The following SRGAP1 variants were observed in gnomAD, a reference collection of about 807,000 sequenced individuals.
SRGAP1 encodes the protein SLIT-ROBO Rho GTPase-activating protein 1.
Under a neutral mutation model 121.9 loss-of-function variants are expected in SRGAP1, and 43 were observed. The ratio of observed to expected loss-of-function variants is 0.35; its 90% confidence interval spans 0.28 to 0.46. The LOEUF (loss-of-function observed/expected upper bound fraction) is 0.46. Among genes scored for constraint, SRGAP1 ranks in the 20% least tolerant of loss-of-function variants. The pLI is 1.00. For missense variants in SRGAP1, 1,102 were observed against 1,350.9 expected, an observed-to-expected ratio of 0.82 and a Z score of 2.89; for synonymous variants, 447 against 485.4, an observed-to-expected ratio of 0.92 and a Z score of 1.04.
At chr12:63,970,657 T>C (rs2032920185) in intron 1 of SRGAP1, among the ~76,000 whole-genome samples, 1 of 152,158 alleles carries the variant, frequency 6.6e-6, no homozygotes, top group African/African-American at 2.4e-5. Flanking sequence ...CTAATTATAT[T>C]GAAAGGCAAC....
At chr12:63,866,909 C>G (rs1034608312) in intron 1 of SRGAP1, among the ~76,000 whole-genome samples, 4 of 151,546 alleles carry the variant, frequency 2.6e-5, no homozygotes, top group African/African-American at 9.7e-5. Flanking sequence ...CACTCTGTCA[C>G]CCAGGCTAGA....
At chr12:63,926,903 A>G (rs891194423) in intron 1 of SRGAP1, among the ~76,000 whole-genome samples, 1 of 151,964 alleles carries the variant, frequency 6.6e-6, no homozygotes, top group Non-Finnish European at 1.5e-5. Context: ...TGGCTTTCTT[A>G]TGATTTAAAT....
rs1230646534 is a variant in SRGAP1, at chr12:64,091,459, T to C, written c.1539+81T>C. ...TCAGCCTCTTGTAAGAGGAGGAAGG[T>C]CATTATGTCCAAGTCTGTCCTGGGG... On this transcript the variant is annotated intron_variant, in intron 12 of 21. Coordinates refer to ENST00000355086, the MANE Select transcript of SRGAP1 (RefSeq NM_020762.4). The C allele has an allele frequency of 5.1e-6, 5 of 978,268 alleles. No homozygotes were observed. The Admixed American group carries it at 6.5e-5, about 13-fold the overall frequency. 60.6% of individuals were successfully genotyped at this position (978,268 alleles called of 1,614,324 possible). A position where few individuals can be genotyped will look rare whatever the true frequency, so the allele number is the denominator to read the frequency against.
At chr12:64,142,265 C>T (rs745867101) in intron 21 of SRGAP1, 30 bp from the exon 22 acceptor site, 6 of 1,601,564 alleles carry the variant, frequency 3.7e-6, no homozygotes, top group Non-Finnish European at 4.3e-6. Flanking sequence ...TCAGTCTGTG[C>T]TTTCTCTCTT....
chr12:64,066,577 G>T (rs1312139656), intron 8 of SRGAP1, among the ~76,000 whole-genome samples: 1 of 152,068 alleles, frequency 6.6e-6, no homozygotes, highest in African/African-American at 2.4e-5. Flanking sequence ...TGAGCTCTGT[G>T]TATTTGTTTC....
At position 63,844,810 on chromosome 12, in the gene SRGAP1, C is replaced by T; in HGVS notation, c.-7C>T. On this transcript the variant is annotated 5_prime_UTR_variant, in exon 1 of 22. Coordinates refer to ENST00000355086, the MANE Select transcript of SRGAP1 (RefSeq NM_020762.4). The surrounding 1 kb of genome is among the most constrained non-coding windows in gnomAD (Gnocchi z 4.3). Reference sequence around the variant, plus strand: ...CCCATTGAAAGCAAACCCGGAACAGCTGGATAATGTCCACCCCGAGCCGAT... The same window carrying T: ...CCCATTGAAAGCAAACCCGGAACAGTTGGATAATGTCCACCCCGAGCCGAT... The T allele has an allele frequency of 6.2e-7, 1 of 1,614,168 alleles. No individual in the cohort carries two copies. Among genetic ancestry groups the T allele is most frequent in the Non-Finnish European group, 8.5e-7 (1 of 1,180,002 alleles).
At chr12:64,023,651 C>T (rs978944298) in intron 4 of SRGAP1, among the ~76,000 whole-genome samples, 3 of 152,190 alleles carry the variant, frequency 2.0e-5, no homozygotes, top group Non-Finnish European at 2.9e-5. Context: ...TTATCACACT[C>T]TCTATGCATC....
intron 1 of SRGAP1, among the ~76,000 whole-genome samples, chr12:63,848,723 C>T (rs1898984099): frequency 6.6e-6 from 1 of 151,952 alleles, no homozygotes. Context: ...TTTTGTAATC[C>T]TAAGTGTCTT....
chr12:63,911,166 G>A (rs1016642768), intron 1 of SRGAP1, among the ~76,000 whole-genome samples: 2 of 151,868 alleles, frequency 1.3e-5, no homozygotes, highest in Non-Finnish European at 2.9e-5. Flanking sequence ...AGGCGTGGTG[G>A]CAGGCACGTG....
At chr12:64,034,648 T>C (rs2034858838) in intron 4 of SRGAP1, among the ~76,000 whole-genome samples, 1 of 152,240 alleles carries the variant, frequency 6.6e-6, no homozygotes, top group South Asian at 2.1e-4. Flanking sequence ...GCTCTTCGTA[T>C]GTGTTAACAC....
chr12:63,898,633 C>T (rs1055006307), intron 1 of SRGAP1, among the ~76,000 whole-genome samples: 2 of 152,034 alleles, frequency 1.3e-5, no homozygotes, highest in African/African-American at 4.8e-5. Flanking sequence ...ACAAACAATC[C>T]AGAATTATTC....
At chr12:64,095,526 G>T (rs2036139671) in intron 14 of SRGAP1, among the ~76,000 whole-genome samples, 1 of 152,136 alleles carries the variant, frequency 6.6e-6, no homozygotes, top group Non-Finnish European at 1.5e-5. Context: ...GACAGCAGGT[G>T]AGGGAGGCAG....
intron 1 of SRGAP1, among the ~76,000 whole-genome samples, chr12:63,921,484 T>C (rs2031041365): frequency 1.3e-5 from 2 of 152,162 alleles, no homozygotes; most frequent in African/African-American, 4.8e-5. Context: ...AAGGCACAAA[T>C]TCATTTCCCT....
At chr12:64,136,424 C>T (rs1239096935) in intron 21 of SRGAP1, among the ~76,000 whole-genome samples, 2 of 152,102 alleles carry the variant, frequency 1.3e-5, no homozygotes, top group African/African-American at 4.8e-5. Flanking sequence ...CAGGGATTAC[C>T]ATTTGAATAA....
chr12:63,948,429 A>G (rs1240370631), intron 1 of SRGAP1, among the ~76,000 whole-genome samples: 1 of 152,146 alleles, frequency 6.6e-6, no homozygotes, highest in Non-Finnish European at 1.5e-5. Context: ...CTCAGCAGGG[A>G]TGCTGGTGTC....
At chr12:64,040,062 A>G (rs927705448) in intron 4 of SRGAP1, among the ~76,000 whole-genome samples, 6 of 152,172 alleles carry the variant, frequency 3.9e-5, no homozygotes, top group Non-Finnish European at 8.8e-5. Flanking sequence ...AGCCATCATC[A>G]GATTTTATGA....
At chr12:64,009,672 A>G (rs2034195581) in intron 3 of SRGAP1, among the ~76,000 whole-genome samples, 1 of 152,108 alleles carries the variant, frequency 6.6e-6, no homozygotes, top group Admixed American at 6.5e-5. Context: ...TTTTGTCTTG[A>G]TTTGAAATGA....
chr12:64,023,458 A>G (rs1036417097), intron 4 of SRGAP1, among the ~76,000 whole-genome samples: 1 of 152,178 alleles, frequency 6.6e-6, no homozygotes, highest in African/African-American at 2.4e-5. Flanking sequence ...GTAGTATTTT[A>G]ATAGAAAAAC....
At chr12:63,884,304 A>G (rs1427155950) in intron 1 of SRGAP1, among the ~76,000 whole-genome samples, 3 of 152,086 alleles carry the variant, frequency 2.0e-5, no homozygotes. Context: ...AAGTATGGAG[A>G]GCATTAGTCA....
Sources: gnomAD v4.1 joint callset for allele counts (sites outside exome capture counted in the v4.1 genomes callset) on GRCh38, gnomAD v4.1.1 for gene constraint, Gnocchi (gnomAD v3.1) non-coding constraint, MANE v1.5 for transcripts, NCBI Gene and HGNC (gene_info 2026-07-23, HGNC 2026-07-21) for gene names.